Variants in ASIC5 observed in about 807,000 individuals in gnomAD.
ASIC5 encodes the protein acid sensing ion channel subunit family member 5.
In ASIC5, 52 loss-of-function variants were observed where a neutral mutation model predicts 51.2. That is an observed-to-expected ratio of 1.02 (90% CI 0.81 to 1.28). The LOEUF (loss-of-function observed/expected upper bound fraction) is 1.28, where lower values mean the gene tolerates loss of function less well. ASIC5 is among the 50% of genes most tolerant of loss of function. The pLI, the probability that ASIC5 is intolerant of heterozygous loss-of-function variation, is 0.00. For missense variants in ASIC5, 635 were observed against 595.0 expected (o/e 1.07, Z -0.70); for synonymous variants, 231 against 200.7 (o/e 1.15, Z -1.28).
At chr4:155,837,837 C>G (rs552034268) in intron 7 of ASIC5, among the ~76,000 whole-genome samples, 2 of 152,036 alleles carry the variant, frequency 1.3e-5, no homozygotes, top group Admixed American at 1.3e-4. Flanking sequence ...ACATAATACT[C>G]TCTCACACAC....
chr4:155,842,465 T>G lies in ASIC5; in HGVS notation c.862-111A>C. 6.6e-6 allele frequency: 7 copies of G among 1,053,266 alleles called. No homozygotes were observed. The South Asian group carries it at 9.7e-5, about 15-fold the overall frequency. 65.2% of individuals were successfully genotyped at this position (1,053,266 alleles called of 1,614,324 possible). The stretch of plus-strand genomic sequence containing the variant: ...TTTTCCTCTCAGAGCTCTTTGATTT[T>G]CAAAACCAAAATTGGTTACATTTGT... On this transcript the variant is annotated intron_variant, in intron 5 of 9. Transcript: ENST00000537611.
At chr4:155,831,136 G>C (rs908526970) in intron 9 of ASIC5, among the ~76,000 whole-genome samples, 7 of 152,256 alleles carry the variant, frequency 4.6e-5, no homozygotes, top group Admixed American at 3.3e-4. Flanking sequence ...GCCTAATTTT[G>C]CTTCCTCAGG....
chr4:155,840,530 T>C (rs1741093239), intron 6 of ASIC5, among the ~76,000 whole-genome samples: 1 of 150,292 alleles, frequency 6.7e-6, no homozygotes, highest in African/African-American at 2.4e-5. Flanking sequence ...TATTATTACA[T>C]TGAAAGAGAT....
chr4:155,836,071 G>A (rs1342027358), intron 8 of ASIC5, among the ~76,000 whole-genome samples: 1 of 152,156 alleles, frequency 6.6e-6, no homozygotes, highest in Non-Finnish European at 1.5e-5. Context: ...AAAAAACGAA[G>A]AGTTATTTAT....
At chr4:155,839,516 C>T (rs1000972385) in intron 6 of ASIC5, among the ~76,000 whole-genome samples, 4 of 152,212 alleles carry the variant, frequency 2.6e-5, no homozygotes, top group East Asian at 1.9e-4. Context: ...TTTACTCCTA[C>T]GGCTGATTCT....
chr4:155,833,324 A>G (rs1740910932), intron 8 of ASIC5, among the ~76,000 whole-genome samples: 1 of 152,198 alleles, frequency 6.6e-6, no homozygotes, highest in African/African-American at 2.4e-5. Context: ...TTAAGAGTGG[A>G]TACTATTAGC....
chr4:155,842,180 G>C, intron 6 of ASIC5, 27 bp downstream of exon 6: 1 of 1,608,376 alleles, frequency 6.2e-7, no homozygotes, highest in East Asian at 2.2e-5. Flanking sequence ...GTCTAGTTAA[G>C]TAAGGGGGCA....
At chr4:155,847,921 C>T (rs902057327) in intron 4 of ASIC5, among the ~76,000 whole-genome samples, 1 of 151,938 alleles carries the variant, frequency 6.6e-6, no homozygotes, top group African/African-American at 2.4e-5. Flanking sequence ...TGATGCAAGA[C>T]CAGCATATGG....
At position 155,863,737 on chromosome 4, in the gene ASIC5, T is replaced by A. The variant is rs1560755910; in HGVS notation, c.58A>T (p.Lys20Ter). Residue 20 changes from lysine (K) to a stop codon, truncating the protein, a stop_gained, in exon 2 of 10, where the codon AAG (lysine) becomes TAG (stop). Coordinates refer to ENST00000537611, the MANE Select transcript of ASIC5 (RefSeq NM_017419.3). LOFTEE classifies it high-confidence loss of function. ...YAENGLLEKIKLCLSKKPLPS... is the reference protein window; with the variant it reads ...YAENGLLEKI ...AGTGGTTTCTTTGAAAGGCAAAGCT[T>A]TATCTTTTCTAAGAGTCCTTAAGGT... 1.2e-6 allele frequency: 2 copies of A among 1,612,924 alleles called. No homozygotes were observed. Among genetic ancestry groups the A allele is most frequent in the Non-Finnish European group, 8.5e-7 (1 of 1,179,670 alleles).
intron 4 of ASIC5, among the ~76,000 whole-genome samples, chr4:155,850,287 C>T (rs1690344213): frequency 6.6e-6 from 1 of 151,966 alleles, no homozygotes; most frequent in Admixed American, 6.6e-5. Flanking sequence ...AACCATTTGT[C>T]TCTCACCTAC....
chr4:155,851,682 T>C (rs1741384739), intron 4 of ASIC5, among the ~76,000 whole-genome samples: 1 of 151,982 alleles, frequency 6.6e-6, no homozygotes, highest in South Asian at 2.1e-4. Flanking sequence ...TTAGAACTTA[T>C]TAGGTCAATT....
intron 4 of ASIC5, among the ~76,000 whole-genome samples, chr4:155,844,485 C>T (rs1741193046): frequency 6.6e-6 from 1 of 152,038 alleles, no homozygotes; most frequent in African/African-American, 2.4e-5. Flanking sequence ...TTTTAAAGAA[C>T]TAAAGTTAGC....
At chr4:155,842,417 C>T (rs1350573430) in intron 5 of ASIC5, 63 bp from the exon 6 acceptor site, 1 of 1,428,110 alleles carries the variant, frequency 7.0e-7, no homozygotes, top group East Asian at 2.3e-5. Context: ...TATTTTCCAT[C>T]AAGAAGCTGG....
chr4:155,866,193 C>T lies in ASIC5; in HGVS notation c.34G>A (p.Glu12Lys). 1.2e-6 allele frequency: 2 copies of T among 1,605,434 alleles called. No individual in the cohort carries two copies. The highest frequency in any genetic ancestry group is 1.1e-5 in the South Asian group (1 of 90,574). The change falls in exon 1 of 10, where the codon GAG becomes AAG. Residue 12 changes from glutamate (E) to lysine (K), a missense_variant. Physicochemically the swap from Glu to Lys is moderately conservative, Grantham distance 56. Transcript: ENST00000537611. The stretch of plus-strand genomic sequence containing the variant: ...GAGTTCACTCTTTACTCACCGTTCT[C>T]AGCATATACTTTTGATTTTTCTGTC... ...EQTEKSKVYA[E>K]NGLLEKIKLC...
chr4:155,843,611 G>C, intron 5 of ASIC5, 70 bp downstream of exon 5: 1 of 1,517,888 alleles, frequency 6.6e-7, no homozygotes, highest in South Asian at 1.2e-5. Context: ...GGAATTTCTA[G>C]TGAAAAGCAT....
At chr4:155,861,604 T>C (rs1166553573) in intron 2 of ASIC5, among the ~76,000 whole-genome samples, 1 of 152,014 alleles carries the variant, frequency 6.6e-6, no homozygotes, top group Non-Finnish European at 1.5e-5. Context: ...GCTGGATCTT[T>C]CTAAAAAAAT....
At chr4:155,848,607 C>T (rs1307723898) in intron 4 of ASIC5, among the ~76,000 whole-genome samples, 1 of 151,988 alleles carries the variant, frequency 6.6e-6, no homozygotes, top group African/African-American at 2.4e-5. Context: ...TATGTCTGCC[C>T]TAAAACCTTT....
At chr4:155,863,776 T>G (rs1351581396) in intron 1 of ASIC5, 22 bp from the exon 2 acceptor site, 2 of 1,566,696 alleles carry the variant, frequency 1.3e-6, no homozygotes, top group Admixed American at 3.8e-5. Flanking sequence ...GCCCATAAAA[T>G]GATTAAACAA....
intron 7 of ASIC5, among the ~76,000 whole-genome samples, chr4:155,837,684 C>T (rs563181446): frequency 2.0e-4 from 30 of 152,216 alleles, no homozygotes; most frequent in African/African-American, 5.8e-4. Flanking sequence ...GAAGTCAAAG[C>T]ATGCATCTGC....
Sources: gnomAD v4.1 joint callset for allele counts (sites outside exome capture counted in the v4.1 genomes callset) on GRCh38, gnomAD v4.1.1 for gene constraint, MANE v1.5 for transcripts, NCBI Gene and HGNC (gene_info 2026-07-23, HGNC 2026-07-21) for gene names.